Variants in RAB11FIP5 observed in about 807,000 individuals in gnomAD.
The protein encoded by RAB11FIP5 is RAB11 family interacting protein 5.
A neutral mutation model predicts 85.1 loss-of-function variants in RAB11FIP5; 48 were observed. The ratio of observed to expected loss-of-function variants is 0.56; its 90% CI spans 0.45 to 0.72. RAB11FIP5 has a LOEUF of 0.72. RAB11FIP5 is among the 30% of genes least tolerant of loss of function. The pLI, the probability that RAB11FIP5 is intolerant of heterozygous loss-of-function variation, is 0.00. For synonymous variants in RAB11FIP5, 729 were observed against 727.3 expected, an observed-to-expected ratio of 1.00 and a Z score of -0.04; for missense variants, 1,491 against 1,687.0, an observed-to-expected ratio of 0.88 and a Z score of 2.04.
Position 73,073,825 on chromosome 2 carries a change from C to A in RAB11FIP5, c.*1696G>T. 6.6e-6 allele frequency: 1 copy of A among 152,356 alleles called. No homozygotes were observed. 9.4% of individuals were successfully genotyped at this position (152,356 alleles called of 1,614,324 possible). On this transcript the variant is annotated 3_prime_UTR_variant, in exon 6 of 6. Transcript: ENST00000486777. The stretch of plus-strand genomic sequence containing the variant: ...TAGGTAACGTTACAGGGGCTTTCCT[C>A]CATGTGTGGCGCTCCTCTGCTCCAT...
At chr2:73,101,032 G>A (rs1316785767) in intron 1 of RAB11FIP5, among the ~76,000 whole-genome samples, 1 of 146,618 alleles carries the variant, frequency 6.8e-6, no homozygotes, top group Non-Finnish European at 1.5e-5. Context: ...GAGAAAGGTT[G>A]GTGGTGGGGT....
rs368546842 is a variant in RAB11FIP5, at chr2:73,103,890, A to C, written c.431+8457T>G. ...AAAATAAAGAAATTCCACTTAACCC[A>C]TCCCCCTCCCCAGTGTGCTCCTAAC... On this transcript the variant is annotated intron_variant, in intron 1 of 5. Transcript: ENST00000486777. Among the ~76,000 whole-genome samples, 289 of 152,148 alleles carry C rather than the reference A, an allele frequency of 1.9e-3. 3 individuals carry two copies. Among genetic ancestry groups the C allele is most frequent in the Middle Eastern group, 6.8e-3 (2 of 294 alleles).
At position 73,088,615 on chromosome 2, in the gene RAB11FIP5, A is replaced by C. The variant is rs1684143017; in HGVS notation, c.1003T>G (p.Ser335Ala). The change falls in exon 3 of 6, where the codon TCG becomes GCG. Residue 335 changes from serine to alanine, a missense_variant. By Grantham distance (99) the Ser-to-Ala change is moderately conservative. Transcript: ENST00000486777. Reference protein sequence around the residue: ...QGHLDAASRSSLCVNGSHIYN... With the variant: ...QGHLDAASRSALCVNGSHIYN... The stretch of plus-strand genomic sequence containing the variant: ...ATGTGGCTCCCATTGACACAGAGCG[A>C]AGAGCGGGAGGCAGCATCCAGGTGG... The C allele has an allele frequency of 6.2e-7, 1 of 1,613,320 alleles. No homozygotes were observed. The highest frequency in any genetic ancestry group is 2.2e-5 in the East Asian group (1 of 44,884).
intron 1 of RAB11FIP5, among the ~76,000 whole-genome samples, chr2:73,110,054 G>A (rs901169317): frequency 1.3e-5 from 2 of 152,160 alleles, no homozygotes; most frequent in African/African-American, 4.8e-5. Flanking sequence ...TTGGGACTGG[G>A]ATCTGTCCAG....
In RAB11FIP5 at chr2:73,088,980, C is replaced by G; in HGVS notation, c.767G>C (p.Ser256Thr). The change falls in exon 2 of 6, where the codon AGC (serine) becomes ACC (threonine). Residue 256 changes from serine to threonine, a missense_variant. By Grantham distance (58) the Ser-to-Thr change is moderately conservative. Transcript: ENST00000486777. ...TQSNTSLGSDSTLSSASGSLA... is the reference protein window; with the variant it reads ...TQSNTSLGSDTTLSSASGSLA... ...GCTCCCGCTGGCTGAGGACAGGGTG[C>G]TGTCCGAGCCCAGCGAGGTGTTGGA... is the stretch of plus-strand genomic sequence containing the variant. The G allele has an allele frequency of 1.2e-6, 2 of 1,614,196 alleles. No individual in the cohort carries two copies. The highest frequency in any genetic ancestry group is 1.7e-6 in the Non-Finnish European group (2 of 1,180,044).
chr2:73,090,152 C>T (rs1684182217), intron 1 of RAB11FIP5, among the ~76,000 whole-genome samples: 1 of 152,114 alleles, frequency 6.6e-6, no homozygotes, highest in Non-Finnish European at 1.5e-5. Flanking sequence ...GGGTGAGGCT[C>T]AGTGGTAAAG....
At chr2:73,105,662 A>G (rs1574305774) in intron 1 of RAB11FIP5, among the ~76,000 whole-genome samples, 1 of 152,196 alleles carries the variant, frequency 6.6e-6, no homozygotes, top group East Asian at 1.9e-4. Context: ...TGCTTATCCC[A>G]ATAAACCAAG....
chr2:73,092,558 G>A (rs1265490235), intron 1 of RAB11FIP5, among the ~76,000 whole-genome samples: 1 of 152,128 alleles, frequency 6.6e-6, no homozygotes, highest in African/African-American at 2.4e-5. Context: ...CTGCCTCCCA[G>A]CCCTCAGAGG....
Position 73,080,688 on chromosome 2 carries a change from T to C in RAB11FIP5, c.2544A>G (p.Ser848=), listed in dbSNP as rs1683957747. The C allele has an allele frequency of 3.2e-6, 4 of 1,232,426 alleles. No individual in the cohort carries two copies. In the East Asian group the frequency reaches 1.3e-4, roughly 39 times the overall value. The allele number at this position is 1,232,426 out of a possible 1,614,324, so 76.3% of individuals were successfully genotyped here. A position where few individuals can be genotyped will look rare whatever the true frequency, so the allele number is the denominator to read the frequency against. Residue 848 remains serine, a synonymous_variant, in exon 4 of 6, where the codon TCA becomes TCG. Transcript: ENST00000486777. ...VTISPAAETA[S]LVFRGESDEP... ...CATCAGACTCTCCCCGAAAGACTAGTGAGGCTGTCTCAGCTGCAGGAGAAA... is the reference window on the plus strand; with the variant it reads ...CATCAGACTCTCCCCGAAAGACTAGCGAGGCTGTCTCAGCTGCAGGAGAAA...
chr2:73,073,916 A>G lies in RAB11FIP5; in HGVS notation c.*1605T>C, dbSNP rs1260401125. Reference sequence around the variant, plus strand: ...CCTGAGGCCTTCCAAAAGCAAGCCCACAGGCCCTCTCCTGAAGAAGTGGTG... The same window carrying G: ...CCTGAGGCCTTCCAAAAGCAAGCCCGCAGGCCCTCTCCTGAAGAAGTGGTG... On this transcript the variant is annotated 3_prime_UTR_variant, in exon 6 of 6. Coordinates refer to ENST00000486777, the MANE Select transcript of RAB11FIP5 (RefSeq NM_001371272.1). 1 of 152,218 alleles carries G rather than the reference A, an allele frequency of 6.6e-6. No homozygotes were observed. The highest frequency in any genetic ancestry group is 6.5e-5 in the Admixed American group (1 of 15,284). 9.4% of individuals were successfully genotyped at this position (152,218 alleles called of 1,614,324 possible). A position where few individuals can be genotyped will look rare whatever the true frequency, so the allele number is the denominator to read the frequency against.
chr2:73,088,489 C>T lies in RAB11FIP5; in HGVS notation c.1129G>A (p.Glu377Lys), dbSNP rs202050000. The T allele has an allele frequency of 3.8e-5, 61 of 1,613,866 alleles. No homozygotes were observed. Among genetic ancestry groups the T allele is most frequent in the Middle Eastern group, 1.6e-4 (1 of 6,084 alleles). Residue 377 changes from glutamate (E) to lysine (K), a missense_variant, in exon 3 of 6, where the codon GAG (glutamate) becomes AAG (lysine). Physicochemically the swap from Glu to Lys is moderately conservative, Grantham distance 56. Around this residue, in one of 3 missense-constraint regions of RAB11FIP5, gnomAD observed 1,211 missense variants for 1,338.0 expected, o/e 0.91. Transcript: ENST00000486777. Reference sequence around the variant, plus strand: ...TCATCTGTGGAACGAGGCCCCTCCTCGGAGAACCGGGAAGAGACAGCTTGC... The same window carrying T: ...TCATCTGTGGAACGAGGCCCCTCCTTGGAGAACCGGGAAGAGACAGCTTGC... ...SLQAVSSRFS[E>K]EGPRSTDDTW...
intron 3 of RAB11FIP5, among the ~76,000 whole-genome samples, chr2:73,087,765 C>T (rs1432545916): frequency 6.6e-6 from 1 of 152,180 alleles, no homozygotes; most frequent in Non-Finnish European, 1.5e-5. Flanking sequence ...TTCCCTCCAG[C>T]TCAGGGGGTG....
chr2:73,105,066 G>A (rs1192351332), intron 1 of RAB11FIP5, among the ~76,000 whole-genome samples: 1 of 152,182 alleles, frequency 6.6e-6, no homozygotes, highest in East Asian at 1.9e-4. Context: ...AGGAAGAACA[G>A]GATGGCTTGG....
Position 73,081,293 on chromosome 2 carries a change from C to G in RAB11FIP5, c.1939G>C (p.Glu647Gln). 1 of 1,232,754 alleles carries G rather than the reference C, an allele frequency of 8.1e-7. No individual in the cohort carries two copies. Among genetic ancestry groups the G allele is most frequent in the Non-Finnish European group, 1.0e-6 (1 of 988,426 alleles). The allele number at this position is 1,232,754 out of a possible 1,614,324, so 76.4% of individuals were successfully genotyped here. A position where few individuals can be genotyped will look rare whatever the true frequency, so the allele number is the denominator to read the frequency against. ...AAGACGTTGAAGGTGTTGTCCCACT[C>G]AGGCAGGGCTTTCCCAGGGGAGGCC... The part of the protein sequence containing the change: ...PLASPGKALP[E>Q]WDNTFNVFAA... Residue 647 changes from glutamate to glutamine, a missense_variant, in exon 4 of 6, where the codon GAG becomes CAG. Transcript: ENST00000486777. This position sits in a 1 kb window ranked among gnomAD's most constrained non-coding sequence, Gnocchi z 4.2.
chr2:73,102,685 C>A (rs974264633), intron 1 of RAB11FIP5, among the ~76,000 whole-genome samples: 1 of 152,104 alleles, frequency 6.6e-6, no homozygotes, highest in African/African-American at 2.4e-5. Context: ...AGAAGGGACC[C>A]GAGATGCAGA....
intron 1 of RAB11FIP5, among the ~76,000 whole-genome samples, chr2:73,102,072 G>T (rs1684440520): frequency 6.6e-6 from 1 of 152,290 alleles, no homozygotes; most frequent in African/African-American, 2.4e-5. Flanking sequence ...GAGGGTGCGG[G>T]ATGTGGCATT....
intron 1 of RAB11FIP5, among the ~76,000 whole-genome samples, chr2:73,090,170 T>A (rs1044458147): frequency 1.3e-5 from 2 of 152,084 alleles, no homozygotes; most frequent in Non-Finnish European, 2.9e-5. Context: ...AAGGAACCCA[T>A]CCGTGGAGAC....
At position 73,081,621 on chromosome 2, in the gene RAB11FIP5, A is replaced by G; in HGVS notation, c.1611T>C (p.Leu537=). The G allele has an allele frequency of 8.1e-7, 1 of 1,227,246 alleles. No individual in the cohort carries two copies. Among genetic ancestry groups the G allele is most frequent in the Non-Finnish European group, 1.0e-6 (1 of 983,392 alleles). The allele number at this position is 1,227,246 out of a possible 1,614,324, so 76.0% of individuals were successfully genotyped here. The change falls in exon 4 of 6, where the codon CTT becomes CTC. Residue 537 remains leucine, a synonymous_variant. Coordinates refer to ENST00000486777, the MANE Select transcript of RAB11FIP5 (RefSeq NM_001371272.1). This position sits in a 1 kb window ranked among gnomAD's most constrained non-coding sequence, Gnocchi z 4.2. ...AGGGGGAGCAGGGGAGGTGGTGAGG[A>G]AGAGCAGCTGGGTCAGATTCTACCT... ...SPQVESDPAA[L]PHHLPCSPWA... is the part of the protein sequence containing the mutation.
chr2:73,101,982 G>A (rs527883513), intron 1 of RAB11FIP5, among the ~76,000 whole-genome samples: 2 of 152,274 alleles, frequency 1.3e-5, no homozygotes, highest in African/African-American at 2.4e-5. Context: ...CATAGCTAAC[G>A]GAAGATGGTG....
Sources: allele counts gnomAD v4.1 joint callset (sites outside exome capture counted in the v4.1 genomes callset), GRCh38; gene constraint gnomAD v4.1.1; regional missense constraint gnomAD v4.1.1; non-coding constraint Gnocchi (gnomAD v3.1); transcripts MANE v1.5; gene names NCBI Gene and HGNC (gene_info 2026-07-23, HGNC 2026-07-21).